The following GRIK1 variants were observed in gnomAD, a reference collection of about 807,000 sequenced individuals.
GRIK1 encodes the protein glutamate ionotropic receptor kainate type subunit 1.
In GRIK1, 69 loss-of-function variants were observed where a neutral mutation model predicts 105.7. The ratio of observed to expected loss-of-function variants is 0.65; its 90% CI spans 0.54 to 0.80. The LOEUF (loss-of-function observed/expected upper bound fraction) is 0.80. Among genes scored for constraint, GRIK1 ranks in the 30% least tolerant of loss-of-function variants. The pLI is 0.00. For missense variants in GRIK1, 1,109 were observed against 1,167.3 expected (o/e 0.95, Z 0.73); for synonymous variants, 438 against 431.3 (o/e 1.02, Z -0.19).
intron 12 of GRIK1, 58 bp downstream of exon 12, chr21:29,587,308 A>C (rs1246840639): frequency 1.2e-5 from 13 of 1,083,092 alleles, no homozygotes; most frequent in Non-Finnish European, 1.8e-5. Context: ...CCTCTGGGAC[A>C]TACAGAAATC....
intron 1 of GRIK1, among the ~76,000 whole-genome samples, chr21:29,831,930 T>A (rs1184837001): frequency 1.3e-5 from 2 of 152,182 alleles, no homozygotes; most frequent in African/African-American, 4.8e-5. Flanking sequence ...CCCTTTCACC[T>A]ATGAGCCTGT....
chr21:29,676,968 T>C (rs1334069369), intron 3 of GRIK1, among the ~76,000 whole-genome samples: 1 of 152,212 alleles, frequency 6.6e-6, no homozygotes, highest in Non-Finnish European at 1.5e-5. Flanking sequence ...ATTATTACGT[T>C]ATTGCTAAGT....
At chr21:29,803,482 T>C (rs1478171758) in intron 1 of GRIK1, among the ~76,000 whole-genome samples, 4 of 152,126 alleles carry the variant, frequency 2.6e-5, no homozygotes, top group Non-Finnish European at 5.9e-5. Flanking sequence ...TGCAGGAGAA[T>C]GCCATGTGTT....
chr21:29,693,375 CG>C (rs2063622625), intron 2 of GRIK1, among the ~76,000 whole-genome samples: 1 of 152,040 alleles, frequency 6.6e-6, no homozygotes, highest in South Asian at 2.1e-4. Context: ...AAAAGAGGAT[CG>C]GATGTAGACA....
At chr21:29,672,733 T>A (rs898478374) in intron 4 of GRIK1, among the ~76,000 whole-genome samples, 2 of 151,620 alleles carry the variant, frequency 1.3e-5, no homozygotes, top group African/African-American at 4.9e-5. Context: ...CTGGTAGGAG[T>A]CACATACCAC....
chr21:29,784,326 G>A (rs2066202780), intron 1 of GRIK1, among the ~76,000 whole-genome samples: 1 of 152,158 alleles, frequency 6.6e-6, no homozygotes, highest in South Asian at 2.1e-4. Context: ...CTAGAAGTGT[G>A]ATTACTGGGT....
At chr21:29,894,288 C>A (rs903237924) in intron 1 of GRIK1, among the ~76,000 whole-genome samples, 3 of 152,096 alleles carry the variant, frequency 2.0e-5, no homozygotes, top group Non-Finnish European at 4.4e-5. Flanking sequence ...AGTCCCAAAA[C>A]CTCAAAAGTA....
intron 1 of GRIK1, among the ~76,000 whole-genome samples, chr21:29,737,032 G>GT (rs969628518): frequency 4.3e-4 from 65 of 151,940 alleles, no homozygotes; most frequent in African/African-American, 1.3e-3. Context: ...GAAAATGTGA[G>GT]TTTTTTTTCA....
At chr21:29,732,131 G>A (rs1053550147) in intron 1 of GRIK1, among the ~76,000 whole-genome samples, 4 of 152,274 alleles carry the variant, frequency 2.6e-5, no homozygotes, top group Admixed American at 1.3e-4. Context: ...TTTAAACTGC[G>A]TTTGGATTTC....
At chr21:29,704,149 G>A (rs974220737) in intron 1 of GRIK1, among the ~76,000 whole-genome samples, 7 of 152,082 alleles carry the variant, frequency 4.6e-5, no homozygotes, top group African/African-American at 9.7e-5. Flanking sequence ...AACATTATTA[G>A]ACATCTATTA....
intron 1 of GRIK1, among the ~76,000 whole-genome samples, chr21:29,930,534 C>T (rs539160006): frequency 9.9e-5 from 15 of 152,212 alleles, no homozygotes; most frequent in African/African-American, 3.4e-4. Flanking sequence ...GACAATTTTG[C>T]TAAGAAAAGT....
intron 1 of GRIK1, among the ~76,000 whole-genome samples, chr21:29,896,208 T>C (rs1246865815): frequency 6.6e-6 from 1 of 152,220 alleles, no homozygotes; most frequent in Non-Finnish European, 1.5e-5. Context: ...GCGAATTGTG[T>C]GCAAACTGTT....
intron 6 of GRIK1, among the ~76,000 whole-genome samples, chr21:29,647,248 A>G (rs1341050149): frequency 6.6e-6 from 1 of 152,254 alleles, no homozygotes; most frequent in Non-Finnish European, 1.5e-5. Context: ...TTTAATCTGT[A>G]GAGTAACACT....
Position 29,735,615 on chromosome 21 carries a change from G to A in GRIK1, c.119-41552C>T, listed in dbSNP as rs972028640. Among the ~76,000 whole-genome samples, 21 of 151,992 alleles carry A rather than the reference G, an allele frequency of 1.4e-4. No individual in the cohort carries two copies. The South Asian group carries it at 2.1e-3, about 15-fold the overall frequency. On this transcript the variant is annotated intron_variant, in intron 1 of 17. Transcript: ENST00000327783. Reference sequence around the variant, plus strand: ...TGTGTAACCAAAAGTTGAAAACATCGGCTGGGCACGGTTGCTCAGGACTGT... The same window carrying A: ...TGTGTAACCAAAAGTTGAAAACATCAGCTGGGCACGGTTGCTCAGGACTGT...
At chr21:29,781,252 TC>T (rs1202283770) in intron 1 of GRIK1, among the ~76,000 whole-genome samples, 3 of 152,174 alleles carry the variant, frequency 2.0e-5, no homozygotes, top group African/African-American at 7.2e-5. Flanking sequence ...ACATGCTCCT[TC>T]CTTTTTTCCT....
intron 1 of GRIK1, among the ~76,000 whole-genome samples, chr21:29,867,904 A>AGAGAGAG (rs1569174422): frequency 3.5e-5 from 2 of 57,348 alleles, no homozygotes; most frequent in Non-Finnish European, 7.7e-5. Context: ...GAGAGAGAGA[A>AGAGAGAG]AGAAAGAGAG....
intron 1 of GRIK1, among the ~76,000 whole-genome samples, chr21:29,786,102 T>C: frequency 6.6e-6 from 1 of 152,164 alleles, no homozygotes; most frequent in East Asian, 1.9e-4. Context: ...GATTCTCTTG[T>C]CTCAGCCTCC....
At chr21:29,901,521 A>C (rs1400429338) in intron 1 of GRIK1, among the ~76,000 whole-genome samples, 1 of 143,508 alleles carries the variant, frequency 7.0e-6, no homozygotes, top group Non-Finnish European at 1.5e-5. Flanking sequence ...AAACACCTCT[A>C]CACAAATAAA....
At chr21:29,923,518 A>G (rs2146332146) in intron 1 of GRIK1, among the ~76,000 whole-genome samples, 1 of 152,344 alleles carries the variant, frequency 6.6e-6, no homozygotes, top group African/African-American at 2.4e-5. Context: ...GAAATATACC[A>G]TGGAGTTACA....
Sources: gnomAD v4.1 joint callset for allele counts (sites outside exome capture counted in the v4.1 genomes callset) on GRCh38, gnomAD v4.1.1 for gene constraint, MANE v1.5 for transcripts, NCBI Gene and HGNC (gene_info 2026-07-23, HGNC 2026-07-21) for gene names.